The following FAM216A variants were observed in gnomAD, a reference collection of about 807,000 sequenced individuals.
The protein encoded by FAM216A is family with sequence similarity 216 member A, also known as protein FAM216A.
A neutral mutation model predicts 37.6 loss-of-function variants in FAM216A; 26 were observed. The ratio of observed to expected loss-of-function variants is 0.69; its 90% CI spans 0.51 to 0.96. FAM216A has a LOEUF of 0.96. FAM216A is among the 40% of genes least tolerant of loss of function. FAM216A has a pLI of 0.00. For missense variants in FAM216A, 326 were observed against 339.3 expected, an observed-to-expected ratio of 0.96 and a Z score of 0.31; for synonymous variants, 110 against 121.7, an observed-to-expected ratio of 0.90 and a Z score of 0.64.
intron 6 of FAM216A, among the ~76,000 whole-genome samples, chr12:110,488,355 G>A (rs1162268930): frequency 6.7e-6 from 1 of 149,098 alleles, no homozygotes; most frequent in Admixed American, 6.8e-5. Flanking sequence ...AGGTTGGAGT[G>A]AGCTGAGATT....
upstream of FAM216A, chr12:110,468,818 T>A: frequency 6.8e-7 from 1 of 1,460,696 alleles, no homozygotes; most frequent in East Asian, 2.5e-5. Context: ...GAAGCCAGCA[T>A]CCGAGCCGCC....
intron 2 of FAM216A, among the ~76,000 whole-genome samples, chr12:110,474,691 C>CAAA (rs34479591): frequency 4.5e-5 from 2 of 44,850 alleles, no homozygotes; most frequent in African/African-American, 1.0e-4. Flanking sequence ...GACTCTGTCT[C>CAAA]AAAAAAAAAA....
intron 6 of FAM216A, among the ~76,000 whole-genome samples, chr12:110,489,549 G>A (rs2062799047): frequency 6.6e-6 from 1 of 151,984 alleles, no homozygotes; most frequent in South Asian, 2.1e-4. Flanking sequence ...GTATGACAGT[G>A]TTAGCCAGCT....
At position 110,486,396 on chromosome 12, in the gene FAM216A, G is replaced by T. The variant is rs766107467; in HGVS notation, c.378G>T (p.Leu126=). 1.9e-5 allele frequency: 30 copies of T among 1,613,944 alleles called. No homozygotes were observed. The Admixed American group carries it at 5.0e-4, about 27-fold the overall frequency. ...CTAAAATCTATAATGCAAACTATCT[G>T]AAGATGTTAATGAAGAGGCAGTACA... ...SIAKIYNANY[L]KMLMKRQYMH... Residue 126 remains leucine, a synonymous_variant, in exon 4 of 7, where the codon CTG becomes CTT. Transcript: ENST00000377673.
At chr12:110,475,486 C>T (rs893419501) in intron 2 of FAM216A, among the ~76,000 whole-genome samples, 2 of 152,152 alleles carry the variant, frequency 1.3e-5, no homozygotes, top group African/African-American at 4.8e-5. Context: ...AGGTTATCCT[C>T]CCGCCTTGGC....
intron 1 of FAM216A, among the ~76,000 whole-genome samples, chr12:110,470,466 G>A (rs985401158): frequency 6.8e-6 from 1 of 147,776 alleles, no homozygotes; most frequent in Non-Finnish European, 1.5e-5. Context: ...TGTATCAGGA[G>A]ATACGTGAAT....
At chr12:110,472,092 C>T (rs1390765152) in intron 1 of FAM216A, among the ~76,000 whole-genome samples, 2 of 151,872 alleles carry the variant, frequency 1.3e-5, no homozygotes, top group Non-Finnish European at 2.9e-5. Flanking sequence ...ATTAGCCGGG[C>T]GTGGTGGCGG....
chr12:110,486,042 A>G (rs886689485), intron 3 of FAM216A, among the ~76,000 whole-genome samples: 1 of 152,224 alleles, frequency 6.6e-6, no homozygotes, highest in African/African-American at 2.4e-5. Flanking sequence ...CACAGCAAGT[A>G]ACACTTGACA....
upstream of FAM216A, chr12:110,468,685 T>G: frequency 6.5e-7 from 1 of 1,530,162 alleles, no homozygotes; most frequent in Non-Finnish European, 8.8e-7. Context: ...GGTGCAAACG[T>G]GCAAACGCTC....
chr12:110,484,776 G>A (rs929442845), intron 2 of FAM216A, among the ~76,000 whole-genome samples: 1 of 149,866 alleles, frequency 6.7e-6, no homozygotes, highest in Non-Finnish European at 1.5e-5. Context: ...TTTTTAAGAC[G>A]GAGTCTCACT....
In FAM216A at chr12:110,486,464, C is replaced by T. The variant is rs2062777308; in HGVS notation, c.436+10C>T. On this transcript the variant is annotated intron_variant, in intron 4 of 6. Coordinates refer to ENST00000377673, the MANE Select transcript of FAM216A (RefSeq NM_013300.3). ...AGCTCACAAAAGCCAGGCAGGTGCA[C>T]CTCCAGTTGTCTTTTCACTAGTTTT... is the stretch of plus-strand genomic sequence containing the variant. The T allele has an allele frequency of 6.2e-7, 1 of 1,609,266 alleles. No homozygotes were observed. Among genetic ancestry groups the T allele is most frequent in the Non-Finnish European group, 8.5e-7 (1 of 1,176,384 alleles).
Position 110,477,900 on chromosome 12 carries a change from G to A in FAM216A, c.184+4782G>A, listed in dbSNP as rs890548568. On this transcript the variant is annotated intron_variant, in intron 2 of 6. Coordinates refer to ENST00000377673, the MANE Select transcript of FAM216A (RefSeq NM_013300.3). ...TTTTTTGTATTTTTAGTAGAGACGG[G>A]GTTTCACCATGTTAGCCAAGATGGT... Among the ~76,000 whole-genome samples, 3 of 151,646 alleles carry A rather than the reference G, an allele frequency of 2.0e-5. No individual in the cohort carries two copies. The South Asian group carries it at 6.3e-4, about 32-fold the overall frequency.
intron 5 of FAM216A, chr12:110,487,451 C>T (rs2062783783): frequency 6.3e-6 from 1 of 157,812 alleles, no homozygotes; most frequent in Non-Finnish European, 1.4e-5. Flanking sequence ...TATTTTCATA[C>T]TTTTTCTTTA....
At chr12:110,470,461 C>G (rs530449387) in intron 1 of FAM216A, among the ~76,000 whole-genome samples, 48 of 149,336 alleles carry the variant, frequency 3.2e-4, no homozygotes, top group Non-Finnish European at 5.9e-4. Context: ...CCTGGTGTAT[C>G]AGGAGATACG....
intron 2 of FAM216A, among the ~76,000 whole-genome samples, chr12:110,476,827 G>A (rs2062717404): frequency 6.6e-6 from 1 of 151,712 alleles, no homozygotes; most frequent in South Asian, 2.1e-4. Flanking sequence ...GCGCCCGGCC[G>A]ACATTGATAT....
chr12:110,486,217 A>G lies in FAM216A; in HGVS notation c.307-108A>G, dbSNP rs1374332264. ...TTAACGTAGTTGAATTTGCTAAAGT[A>G]AAATACAGTTGGCACAACTCTCTTG... is the stretch of plus-strand genomic sequence containing the variant. On this transcript the variant is annotated intron_variant, in intron 3 of 6. Coordinates refer to ENST00000377673, the MANE Select transcript of FAM216A (RefSeq NM_013300.3). 5.8e-6 allele frequency: 7 copies of G among 1,216,514 alleles called. No individual in the cohort carries two copies. In the Admixed American group the frequency reaches 1.9e-4, roughly 32 times the overall value. The allele number at this position is 1,216,514 out of a possible 1,614,324, so 75.4% of individuals were successfully genotyped here.
At chr12:110,484,426 C>CAAAAA (rs61648841) in intron 2 of FAM216A, among the ~76,000 whole-genome samples, 6 of 51,278 alleles carry the variant, frequency 1.2e-4, no homozygotes, top group South Asian at 1.1e-3. Context: ...GACTCCGTCT[C>CAAAAA]AAAAAAAAAA....
chr12:110,486,983 C>T (rs1050599523), intron 5 of FAM216A: 5 of 366,952 alleles, frequency 1.4e-5, no homozygotes, highest in East Asian at 5.2e-5. Flanking sequence ...CTCTCACCTC[C>T]GCCTCCCAAA....
chr12:110,478,953 CCGAGGCGGGTGGATCA>C lies in FAM216A; in HGVS notation c.184+5841_184+5856del, dbSNP rs146168748. On this transcript the variant is annotated intron_variant, in intron 2 of 6. Transcript: ENST00000377673. Reference sequence around the variant, plus strand: ...TCTGTAATCCCAGCACTTTGGGAGGCCGAGGCGGGTGGATCACGAGGTTAAGAGATCGAGACCATCC... The same window carrying C: ...TCTGTAATCCCAGCACTTTGGGAGGCCGAGGTTAAGAGATCGAGACCATCC... 3.3e-3 allele frequency among the ~76,000 whole-genome samples: 508 copies of C among 152,102 alleles called. 2 individuals are homozygous for C. The highest frequency in any genetic ancestry group is 0.012 in the African/African-American group (480 of 41,484).
Sources: gnomAD v4.1 joint callset for allele counts (sites outside exome capture counted in the v4.1 genomes callset) on GRCh38, gnomAD v4.1.1 for gene constraint, MANE v1.5 for transcripts, NCBI Gene and HGNC (gene_info 2026-07-23, HGNC 2026-07-21) for gene names.